CEBPZOS: variants seen among roughly 807,000 people sequenced by gnomAD.
CEBPZOS encodes CEBPZ opposite strand, also known as protein CEBPZOS.
A neutral mutation model predicts 4.8 loss-of-function variants in CEBPZOS; 10 were observed. The ratio of observed to expected loss-of-function variants is 2.07; its 90% CI spans 1.28 to 3.52. CEBPZOS has a LOEUF of 3.52. CEBPZOS is among the 30% of genes most tolerant of loss of function. The pLI, the probability that CEBPZOS is intolerant of heterozygous loss-of-function variation, is 0.00. For synonymous variants in CEBPZOS, 25 were observed against 14.2 expected (o/e 1.77, Z -1.72); for missense variants, 98 against 43.6 (o/e 2.25, Z -3.51).
chr2:37,207,688 A>G (rs1677585010), downstream of CEBPZOS, among the ~76,000 whole-genome samples: 1 of 152,220 alleles, frequency 6.6e-6, no homozygotes, highest in Admixed American at 6.5e-5. Context: ...TTAAATGTCT[A>G]CATCAAAAAG....
downstream of CEBPZOS, chr2:37,213,901 T>C: frequency 6.2e-7 from 1 of 1,603,194 alleles, no homozygotes; most frequent in Non-Finnish European, 8.5e-7. Context: ...CCACGTCTTC[T>C]ATACTTTCTT....
downstream of CEBPZOS, chr2:37,213,868 C>A: frequency 6.2e-7 from 1 of 1,601,162 alleles, no homozygotes; most frequent in Non-Finnish European, 8.5e-7. Context: ...AATTACCAAT[C>A]AGCTCTTCAA....
intron 3 of CEBPZOS, 197 bp downstream of exon 3, chr2:37,201,289 A>G: frequency 1.8e-6 from 1 of 551,572 alleles, no homozygotes; most frequent in South Asian, 2.4e-5. Context: ...TCTAGTGGTT[A>G]AGAATGTAAA....
At chr2:37,211,210 T>C in intron 4 of CEBPZOS, 1 of 549,472 alleles carries the variant, frequency 1.8e-6, no homozygotes, top group South Asian at 2.8e-5. Context: ...GTGGGTTTTG[T>C]AATTCCACTA....
chr2:37,199,915 G>C (rs1677133706), intron 2 of CEBPZOS, 96 bp downstream of exon 2: 1 of 639,630 alleles, frequency 1.6e-6, no homozygotes, highest in African/African-American at 1.8e-5. Flanking sequence ...GGAGAAATTG[G>C]TTCTTCAGAT....
rs1297817612 is a variant in CEBPZOS at position 37,204,586 on chromosome 2, T to C, written c.*2726T>C. 1.3e-5 allele frequency: 2 copies of C among 152,338 alleles called. No homozygotes were observed. The highest frequency in any genetic ancestry group is 6.5e-5 in the Admixed American group (1 of 15,284). The allele number at this position is 152,338 out of a possible 1,614,324, so 9.4% of individuals were successfully genotyped here. ...CCACTGCGCCCAGCCATTTTTGATTTTTTGTAGAGATGGGGTCTCATTGTG... is the reference window on the plus strand; with the variant it reads ...CCACTGCGCCCAGCCATTTTTGATTCTTTGTAGAGATGGGGTCTCATTGTG... On this transcript the variant is annotated 3_prime_UTR_variant, in exon 5 of 5. Transcript: ENST00000402297.
At chr2:37,211,281 T>C (rs1195725198) in intron 4 of CEBPZOS, 1 of 396,828 alleles carries the variant, frequency 2.5e-6, no homozygotes, top group Non-Finnish European at 4.4e-6. Context: ...TCTAATATTT[T>C]GTGCAAGTAC....
chr2:37,213,666 G>C (rs947893561), exon 5 of CEBPZOS: 3 of 451,842 alleles, frequency 6.6e-6, no homozygotes, highest in Non-Finnish European at 1.2e-5. Flanking sequence ...TTCCTGCCTC[G>C]GCCTGCCAAA....
At chr2:37,205,049 A>T (rs1558466814), downstream of CEBPZOS, among the ~76,000 whole-genome samples, 1 of 152,242 alleles carries the variant, frequency 6.6e-6, no homozygotes, top group Non-Finnish European at 1.5e-5. Flanking sequence ...ACATGATCTT[A>T]GATACTCAAG....
At chr2:37,215,788 G>C (rs1677852808), downstream of CEBPZOS, among the ~76,000 whole-genome samples, 1 of 152,266 alleles carries the variant, frequency 6.6e-6, no homozygotes, top group Non-Finnish European at 1.5e-5. Context: ...CTTTAAGATG[G>C]TCTGAATTGT....
chr2:37,203,106 T>A lies in CEBPZOS; in HGVS notation c.*1246T>A. ...TTTTATTTTAAAAATTATACTTGGG[T>A]AAAAACAATTGCAATAATCTTCTGG... is the stretch of plus-strand genomic sequence containing the variant. On this transcript the variant is annotated 3_prime_UTR_variant, in exon 5 of 5. Transcript: ENST00000402297. The A allele has an allele frequency of 2.7e-6, 2 of 754,360 alleles. No individual in the cohort carries two copies. The highest frequency in any genetic ancestry group is 4.1e-6 in the Non-Finnish European group (2 of 488,576). 46.7% of individuals were successfully genotyped at this position (754,360 alleles called of 1,614,324 possible).
At chr2:37,208,528 T>C (rs1677613463), downstream of CEBPZOS, among the ~76,000 whole-genome samples, 1 of 151,876 alleles carries the variant, frequency 6.6e-6, no homozygotes, top group African/African-American at 2.4e-5. Context: ...ACATAAACAA[T>C]TAAAAACAAA....
chr2:37,202,964 C>A lies in CEBPZOS; in HGVS notation c.*1104C>A. On this transcript the variant is annotated 3_prime_UTR_variant, in exon 5 of 5. Transcript: ENST00000402297. ...ATTAGCCTTACCTCTTCAGCAGATA[C>A]AAATAGGCTGGAATCATTTAAGTTT... is the stretch of plus-strand genomic sequence containing the variant. 1 of 1,571,570 alleles carries A rather than the reference C, an allele frequency of 6.4e-7. No individual in the cohort carries two copies. Among genetic ancestry groups the A allele is most frequent in the South Asian group, 1.2e-5 (1 of 82,396 alleles).
intron 4 of CEBPZOS, chr2:37,210,691 C>A (rs1677693787): frequency 4.1e-6 from 1 of 243,312 alleles, no homozygotes. Flanking sequence ...GATGGGTGCA[C>A]CAAAATCTCA....
rs531479622 is a variant in CEBPZOS at position 37,204,277 on chromosome 2, A to ATTTTTTTT, written c.*2429_*2436dup. On this transcript the variant is annotated 3_prime_UTR_variant, in exon 5 of 5. Coordinates refer to ENST00000402297, the MANE Select transcript of CEBPZOS (RefSeq NM_001322374.2). ...TAACACCATGCCTGGCTAATTTTTG[A>ATTTTTTTT]TTTTTTTTTTTTTTTTTTTGAGACA... is the stretch of plus-strand genomic sequence containing the variant. 3 of 109,300 alleles carry ATTTTTTTT rather than the reference A, an allele frequency of 2.7e-5. No individual in the cohort carries two copies. Among genetic ancestry groups the ATTTTTTTT allele is most frequent in the Non-Finnish European group, 3.7e-5 (2 of 53,582 alleles). The allele number at this position is 109,300 out of a possible 1,614,324, so 6.8% of individuals were successfully genotyped here.
At chr2:37,200,519 A>T (rs974035009) in intron 2 of CEBPZOS, among the ~76,000 whole-genome samples, 6 of 152,182 alleles carry the variant, frequency 3.9e-5, no homozygotes, top group Non-Finnish European at 7.4e-5. Flanking sequence ...TTAAAAACAA[A>T]TTAAAGCTTG....
intron 2 of CEBPZOS, among the ~76,000 whole-genome samples, chr2:37,200,143 T>G (rs1186418868): frequency 6.6e-6 from 1 of 152,224 alleles, no homozygotes; most frequent in East Asian, 1.9e-4. Context: ...CCCATTATAC[T>G]TCATTGTTTG....
chr2:37,214,663 C>G (rs1179425346), downstream of CEBPZOS, among the ~76,000 whole-genome samples: 1 of 152,034 alleles, frequency 6.6e-6, no homozygotes, highest in African/African-American at 2.4e-5. Context: ...ATTTTCTTAA[C>G]AAACACAGAC....
chr2:37,200,012 ATGT>A (rs762773652), intron 2 of CEBPZOS, among the ~76,000 whole-genome samples, 193 bp downstream of exon 2: 11 of 152,206 alleles, frequency 7.2e-5, no homozygotes, highest in Non-Finnish European at 1.2e-4. Context: ...TCCCTTAAAA[ATGT>A]TGTTTGTGGG....
Sources: allele counts gnomAD v4.1 joint callset (sites outside exome capture counted in the v4.1 genomes callset), GRCh38; gene constraint gnomAD v4.1.1; transcripts MANE v1.5; gene names NCBI Gene and HGNC (gene_info 2026-07-23, HGNC 2026-07-21).